Variants in CCNI observed in about 807,000 individuals in gnomAD.
CCNI encodes the protein cyclin-I.
A neutral mutation model predicts 34.1 loss-of-function variants in CCNI; 14 were observed. That is an observed-to-expected ratio of 0.41 (90% CI 0.27 to 0.64). The LOEUF (loss-of-function observed/expected upper bound fraction) is 0.64, where lower values mean the gene tolerates loss of function less well. Among genes scored for constraint, CCNI ranks in the 30% least tolerant of loss-of-function variants. CCNI has a pLI of 0.31. For missense variants in CCNI, 385 were observed against 440.5 expected, an observed-to-expected ratio of 0.87 and a Z score of 1.13; for synonymous variants, 154 against 158.4, an observed-to-expected ratio of 0.97 and a Z score of 0.21.
chr4:77,051,494 T>TA (rs1560769146), intron 6 of CCNI, among the ~76,000 whole-genome samples: 1 of 147,614 alleles, frequency 6.8e-6, no homozygotes, highest in African/African-American at 2.7e-5. Flanking sequence ...CAAGAAATGA[T>TA]AGAGCTAAAA....
intron 6 of CCNI, among the ~76,000 whole-genome samples, chr4:77,049,033 G>A (rs1161455275): frequency 1.9e-5 from 2 of 104,164 alleles, no homozygotes; most frequent in African/African-American, 3.8e-5. Context: ...CTACTCTCTT[G>A]GCCTCTTCTA....
At chr4:77,049,044 A>AT (rs1394470469) in intron 6 of CCNI, among the ~76,000 whole-genome samples, 1 of 128,914 alleles carries the variant, frequency 7.8e-6, no homozygotes, top group Non-Finnish European at 1.5e-5. Context: ...GCCTCTTCTA[A>AT]TTTTTTTCAG....
chr4:77,055,843 G>C (rs1046695276), intron 5 of CCNI, 119 bp downstream of exon 5: 7 of 787,754 alleles, frequency 8.9e-6, no homozygotes, highest in Non-Finnish European at 1.4e-5. Context: ...TTTTTCCTTG[G>C]ATATCAAGTT....
At chr4:77,066,822 C>T (rs562346941) in intron 1 of CCNI, among the ~76,000 whole-genome samples, 1 of 152,178 alleles carries the variant, frequency 6.6e-6, no homozygotes, top group African/African-American at 2.4e-5. Flanking sequence ...TTAAATCCTA[C>T]CCATTCCCAC....
chr4:77,060,259 C>G (rs1560776584), intron 2 of CCNI, among the ~76,000 whole-genome samples: 1 of 152,088 alleles, frequency 6.6e-6, no homozygotes, highest in Non-Finnish European at 1.5e-5. Flanking sequence ...ATAGTTATAA[C>G]TAAATGACAT....
intron 1 of CCNI, among the ~76,000 whole-genome samples, chr4:77,070,493 T>G (rs1267627406): frequency 6.8e-6 from 1 of 146,564 alleles, no homozygotes; most frequent in Admixed American, 6.8e-5. Flanking sequence ...TTTTTTTTTT[T>G]GACACATCCT....
rs531722051 is a variant in CCNI at position 77,061,365 on chromosome 4, T to C, written c.115-2730A>G. On this transcript the variant is annotated intron_variant, in intron 2 of 6. Transcript: ENST00000237654. The stretch of plus-strand genomic sequence containing the variant: ...GAAAAAGAAAAAGCCCAAAACAGTA[T>C]TTCCTGATTCCATCAGGTGAACTGT... Among the ~76,000 whole-genome samples, 12 of 152,322 alleles carry C rather than the reference T, an allele frequency of 7.9e-5. 1 individual carries two copies. The highest frequency in any genetic ancestry group is 1.6e-4 in the Non-Finnish European group (11 of 68,016).
At chr4:77,069,968 C>T (rs1050783024) in intron 1 of CCNI, among the ~76,000 whole-genome samples, 2 of 151,454 alleles carry the variant, frequency 1.3e-5, no homozygotes, top group Non-Finnish European at 2.9e-5. Flanking sequence ...TATTTTGCCT[C>T]TTCTAAATTA....
chr4:77,072,481 A>T (rs144462526), intron 1 of CCNI, among the ~76,000 whole-genome samples: 2,764 of 144,978 alleles, frequency 0.019, 102 homozygotes, highest in African/African-American at 0.068. Flanking sequence ...AAAAAAATTT[A>T]AACTAGCCAG....
Position 77,048,475 on chromosome 4 carries a change from T to A in CCNI, c.878A>T (p.Asn293Ile). The A allele has an allele frequency of 6.2e-7, 1 of 1,614,152 alleles. No homozygotes were observed. Among genetic ancestry groups the A allele is most frequent in the Non-Finnish European group, 8.5e-7 (1 of 1,179,998 alleles). Residue 293 changes from asparagine (N) to isoleucine (I), a missense_variant, in exon 7 of 7, where the codon AAC (asparagine) becomes ATC (isoleucine). Physicochemically the swap from Asn to Ile is moderately radical, Grantham distance 149. Transcript: ENST00000237654. Reference sequence around the variant, plus strand: ...TCTGACTGGCACTTCTGGCTTGCTGTTGTCCTTGGAGAAGTCTGGGCCTGG... The same window carrying A: ...TCTGACTGGCACTTCTGGCTTGCTGATGTCCTTGGAGAAGTCTGGGCCTGG... ...SVPGPDFSKD[N>I]SKPEVPVRGT... is the part of the protein sequence containing the mutation.
chr4:77,049,535 G>A (rs1014269983), intron 6 of CCNI, among the ~76,000 whole-genome samples: 7 of 152,096 alleles, frequency 4.6e-5, no homozygotes, highest in Non-Finnish European at 8.8e-5. Flanking sequence ...AACATTAGCA[G>A]GACATGGTGG....
chr4:77,051,791 G>A (rs1344270344), intron 6 of CCNI, among the ~76,000 whole-genome samples: 1 of 152,030 alleles, frequency 6.6e-6, no homozygotes, highest in Non-Finnish European at 1.5e-5. Flanking sequence ...GGTGTCAAGA[G>A]AATATGTATT....
intron 1 of CCNI, among the ~76,000 whole-genome samples, chr4:77,067,790 T>TAAAAAAAAAAA (rs375815113): frequency 1.0e-5 from 1 of 98,696 alleles, no homozygotes; most frequent in Admixed American, 1.1e-4. Flanking sequence ...CTTCTAGGTT[T>TAAAAAAAAAAA]AAAAAAAAAA....
At chr4:77,048,983 T>TTC (rs1328199923) in intron 6 of CCNI, among the ~76,000 whole-genome samples, 13 of 146,116 alleles carry the variant, frequency 8.9e-5, no homozygotes, top group Non-Finnish European at 1.5e-4. Flanking sequence ...TTTTTTTTTT[T>TTC]TTTTTCAGTC....
At chr4:77,056,585 ACTT>A in intron 3 of CCNI, 1 of 294,510 alleles carries the variant, frequency 3.4e-6, no homozygotes, top group Non-Finnish European at 6.1e-6. Context: ...TCTAGAGCTA[ACTT>A]TTTTTTTTTT....
chr4:77,055,161 G>T lies in CCNI; in HGVS notation c.679C>A (p.Gln227Lys). 1.9e-6 allele frequency: 3 copies of T among 1,609,088 alleles called. No homozygotes were observed. Among genetic ancestry groups the T allele is most frequent in the Non-Finnish European group, 2.6e-6 (3 of 1,175,408 alleles). The change falls in exon 6 of 7, where the codon CAG (glutamine) becomes AAG (lysine). Residue 227 changes from glutamine (Q) to lysine (K), a missense_variant. Gln to Lys is a moderately conservative substitution (Grantham distance 53, BLOSUM62 1). Transcript: ENST00000237654. The part of the protein sequence containing the change: ...DWLSLTIELL[Q>K]KAQMDSSQLI... ...AGACTGACACCTACCTGTGCTTTCT[G>T]AAGCAGTTCAATTGTAAGAGAAAGC...
chr4:77,066,514 A>C, intron 1 of CCNI, 109 bp from the exon 2 acceptor site: 2 of 700,414 alleles, frequency 2.9e-6, no homozygotes, highest in Non-Finnish European at 4.7e-6. Context: ...GAGGCAGTAT[A>C]GGATTTTATA....
At chr4:77,057,062 A>G (rs1251789069) in intron 3 of CCNI, among the ~76,000 whole-genome samples, 1 of 152,198 alleles carries the variant, frequency 6.6e-6, no homozygotes, top group Admixed American at 6.5e-5. Flanking sequence ...AAAATTAAAA[A>G]ATTTTTTGTG....
chr4:77,068,063 A>G (rs187605459), intron 1 of CCNI, among the ~76,000 whole-genome samples: 2 of 152,038 alleles, frequency 1.3e-5, no homozygotes, highest in African/African-American at 4.8e-5. Context: ...CTGTAATCCC[A>G]GTTACTTGGA....
Sources: gnomAD v4.1 joint callset for allele counts (sites outside exome capture counted in the v4.1 genomes callset) on GRCh38, gnomAD v4.1.1 for gene constraint, MANE v1.5 for transcripts, NCBI Gene and HGNC (gene_info 2026-07-23, HGNC 2026-07-21) for gene names.